The following EZH2 variants were observed in gnomAD, a reference collection of about 807,000 sequenced individuals.
The protein encoded by EZH2 is histone-lysine N-methyltransferase EZH2.
A neutral mutation model predicts 98.4 loss-of-function variants in EZH2; 18 were observed. That is an observed-to-expected ratio of 0.18 (90% confidence interval 0.13 to 0.27). The LOEUF is 0.27. EZH2 is among the 10% of genes least tolerant of loss of function. The probability of loss-of-function intolerance (pLI) is 1.00; values close to 1 mark genes in which losing one functional copy is unlikely to be tolerated. For synonymous variants in EZH2, 338 were observed against 312.3 expected, an observed-to-expected ratio of 1.08 and a Z score of -0.87; for missense variants, 470 against 935.1, an observed-to-expected ratio of 0.50 and a Z score of 6.49.
intron 14 of EZH2, 73 bp from the exon 15 acceptor site, chr7:148,814,210 G>A (rs2129469890): frequency 1.5e-6 from 2 of 1,360,534 alleles, no homozygotes; most frequent in South Asian, 1.3e-5. Context: ...CGTGGCAAGG[G>A]CTGTACTGGG....
At chr7:148,859,068 G>A (rs922618677) in intron 1 of EZH2, among the ~76,000 whole-genome samples, 1 of 152,108 alleles carries the variant, frequency 6.6e-6, no homozygotes, top group South Asian at 2.1e-4. Flanking sequence ...AGAAAAGAAG[G>A]GTTAATATGC....
At chr7:148,842,936 G>C (rs116515500) in intron 3 of EZH2, among the ~76,000 whole-genome samples, 3,824 of 152,020 alleles carry the variant, frequency 0.025, 154 homozygotes, top group African/African-American at 0.087. Flanking sequence ...CGATGTGCTC[G>C]GTGGCTCACA....
intron 5 of EZH2, among the ~76,000 whole-genome samples, chr7:148,829,449 C>T (rs1338351054): frequency 1.3e-5 from 2 of 152,118 alleles, no homozygotes; most frequent in Non-Finnish European, 2.9e-5. Context: ...AATCTACATA[C>T]ACTCAAGTTC....
chr7:148,875,702 C>G (rs1411230040), intron 1 of EZH2, among the ~76,000 whole-genome samples: 4 of 152,164 alleles, frequency 2.6e-5, no homozygotes, highest in Non-Finnish European at 5.9e-5. Flanking sequence ...TTAACGGTTT[C>G]TTACAAAGTA....
rs564185797 is a variant in EZH2 at position 148,815,632 on chromosome 7, C to T, written c.1506-86G>A. 61 of 1,191,394 alleles carry T rather than the reference C, an allele frequency of 5.1e-5. 1 individual carries two copies. In the East Asian group the frequency reaches 1.4e-3, roughly 27 times the overall value. The allele number at this position is 1,191,394 out of a possible 1,614,324, so 73.8% of individuals were successfully genotyped here. A position where few individuals can be genotyped will look rare whatever the true frequency, so the allele number is the denominator to read the frequency against. ...AGCTGCTTAACTGGATCTATCTGTG[C>T]CATGAATACAGGAATGCGTTAAAGC... On this transcript the variant is annotated intron_variant, in intron 12 of 19. Coordinates refer to ENST00000320356, the MANE Select transcript of EZH2 (RefSeq NM_004456.5).
chr7:148,865,209 TTA>T (rs1818276374), intron 1 of EZH2, among the ~76,000 whole-genome samples: 1 of 151,972 alleles, frequency 6.6e-6, no homozygotes, highest in South Asian at 2.1e-4. Context: ...GAGATACCTG[TTA>T]TTTCAACACT....
chr7:148,871,625 G>T (rs1477812491), intron 1 of EZH2, among the ~76,000 whole-genome samples: 1 of 149,400 alleles, frequency 6.7e-6, no homozygotes, highest in East Asian at 2.0e-4. Context: ...CCTGGCTGGA[G>T]TGCAATGGCA....
intron 8 of EZH2, among the ~76,000 whole-genome samples, chr7:148,823,300 A>G (rs1357656821): frequency 6.6e-6 from 1 of 152,210 alleles, no homozygotes; most frequent in Non-Finnish European, 1.5e-5. Flanking sequence ...TTGCTGTGGC[A>G]TCGTTACAGC....
rs1420163009 is a variant in EZH2, at chr7:148,829,846, C to A, written c.366G>T (p.Val122=). ...TGTTATGTAAAACAGTTTCATCTTC[C>A]ACCTAAAAGAAAAAAATATATTTAA... ...SWSPLQQNFM[V]EDETVLHNIP... is the part of the protein sequence containing the mutation. Residue 122 remains valine (V), a splice_region_variant and synonymous_variant, in exon 5 of 20, where the codon GTG becomes GTT. Transcript: ENST00000320356. 1.3e-6 allele frequency: 2 copies of A among 1,557,238 alleles called. No individual in the cohort carries two copies. The highest frequency in any genetic ancestry group is 2.0e-5 in the Admixed American group (1 of 51,198).
At chr7:148,852,563 G>C (rs1440438212) in intron 1 of EZH2, among the ~76,000 whole-genome samples, 1 of 150,350 alleles carries the variant, frequency 6.7e-6, no homozygotes, top group Non-Finnish European at 1.5e-5. Context: ...CAGGTTTCCT[G>C]CAATGCTAGG....
intron 1 of EZH2, among the ~76,000 whole-genome samples, chr7:148,862,896 T>G (rs1817892632): frequency 6.7e-6 from 1 of 149,366 alleles, no homozygotes; most frequent in South Asian, 2.2e-4. Flanking sequence ...TCCAACATGG[T>G]TTTTTTGTTT....
rs749179228 is a variant in EZH2 at position 148,815,035 on chromosome 7, G to C, written c.1551C>G (p.Gly517=). Residue 517 remains glycine, a synonymous_variant, in exon 14 of 20, where the codon GGC becomes GGG. Coordinates refer to ENST00000320356, the MANE Select transcript of EZH2 (RefSeq NM_004456.5). ...HCRKIQLKKD[G]SSNHVYNYQP... is the part of the protein sequence containing the mutation. ...GATAGTTGTAAACATGGTTAGAGGA[G>C]CCGTCTGAGTAAAGATAACATCATG... is the stretch of plus-strand genomic sequence containing the variant. The C allele has an allele frequency of 1.1e-5, 18 of 1,613,556 alleles. No individual in the cohort carries two copies. The highest frequency in any genetic ancestry group is 1.4e-5 in the Non-Finnish European group (16 of 1,179,814).
At chr7:148,869,997 G>A (rs1047057306) in intron 1 of EZH2, among the ~76,000 whole-genome samples, 6 of 152,176 alleles carry the variant, frequency 3.9e-5, no homozygotes, top group Non-Finnish European at 5.9e-5. Context: ...AAGGTGAAAG[G>A]GTCACTTGAG....
chr7:148,821,215 A>T (rs1286005615), intron 8 of EZH2: 1 of 152,164 alleles, frequency 6.6e-6, no homozygotes, highest in Non-Finnish European at 1.5e-5. Flanking sequence ...GAAAACTCCT[A>T]AGAATGTACT....
chr7:148,815,361 G>C (rs924995371), intron 13 of EZH2, 145 bp downstream of exon 13: 5 of 847,248 alleles, frequency 5.9e-6, no homozygotes, highest in Admixed American at 4.0e-5. Context: ...TTCATCAGTA[G>C]ACGTCCTCCA....
chr7:148,858,325 T>C (rs1371172062), intron 1 of EZH2, among the ~76,000 whole-genome samples: 1 of 151,652 alleles, frequency 6.6e-6, no homozygotes, highest in Non-Finnish European at 1.5e-5. Context: ...AGAGAGCTTG[T>C]ACTATTATTA....
At chr7:148,809,426 A>C (rs754942364) in intron 17 of EZH2, 36 bp from the exon 18 acceptor site, 4 of 1,515,424 alleles carry the variant, frequency 2.6e-6, no homozygotes, top group African/African-American at 1.4e-5. Context: ...CCAGTGAATA[A>C]TTTCAGTTAT....
At chr7:148,810,546 TTC>T in intron 16 of EZH2, 132 bp from the exon 17 acceptor site, 1 of 559,334 alleles carries the variant, frequency 1.8e-6, no homozygotes, top group Non-Finnish European at 3.3e-6. Context: ...TACAGCCAAG[TTC>T]TCTTTCCCAT....
At chr7:148,869,140 C>T (rs937054272) in intron 1 of EZH2, among the ~76,000 whole-genome samples, 1 of 152,050 alleles carries the variant, frequency 6.6e-6, no homozygotes, top group Non-Finnish European at 1.5e-5. Flanking sequence ...ATTAGATGTT[C>T]TATGAATTGA....
Sources: gnomAD v4.1 joint callset for allele counts (sites outside exome capture counted in the v4.1 genomes callset) on GRCh38, gnomAD v4.1.1 for gene constraint, MANE v1.5 for transcripts, NCBI Gene and HGNC (gene_info 2026-07-23, HGNC 2026-07-21) for gene names.